Variants in ADGRV1 observed in about 807,000 individuals in gnomAD.
The protein encoded by ADGRV1 is G-protein coupled receptor 98.
A neutral mutation model predicts 596.2 loss-of-function variants in ADGRV1; 359 were observed. The ratio of observed to expected loss-of-function variants is 0.60; its 90% CI spans 0.55 to 0.66. ADGRV1 has a LOEUF of 0.66. ADGRV1 is among the 30% of genes least tolerant of loss of function. The pLI is 0.00. For synonymous variants in ADGRV1, 2,681 were observed against 2,679.2 expected, an observed-to-expected ratio of 1.00 and a Z score of -0.02; for missense variants, 7,274 against 7,575.6, an observed-to-expected ratio of 0.96 and a Z score of 1.48.
chr5:91,037,823 A>G (rs569524253), intron 85 of ADGRV1, among the ~76,000 whole-genome samples: 2 of 152,312 alleles, frequency 1.3e-5, no homozygotes, highest in Admixed American at 6.5e-5. Context: ...CCCAAATACT[A>G]CAAAATCCAA....
chr5:90,632,155 G>T (rs1162562970), intron 9 of ADGRV1, among the ~76,000 whole-genome samples: 1 of 151,828 alleles, frequency 6.6e-6, no homozygotes, highest in Non-Finnish European at 1.5e-5. Flanking sequence ...GGATTTTTTT[G>T]GTCTTACTGT....
intron 86 of ADGRV1, among the ~76,000 whole-genome samples, chr5:91,100,917 G>C (rs1400536491): frequency 6.6e-6 from 1 of 152,080 alleles, no homozygotes; most frequent in Non-Finnish European, 1.5e-5. Context: ...AAACTGGCTG[G>C]TAATCATCAA....
At chr5:91,041,562 C>T (rs969549378) in intron 85 of ADGRV1, among the ~76,000 whole-genome samples, 4 of 151,506 alleles carry the variant, frequency 2.6e-5, no homozygotes, top group Admixed American at 2.6e-4. Flanking sequence ...GTGCAGTAAA[C>T]CACCATGGCA....
chr5:91,016,576 A>G (rs984645988), intron 85 of ADGRV1, among the ~76,000 whole-genome samples: 12 of 151,996 alleles, frequency 7.9e-5, no homozygotes, highest in African/African-American at 2.7e-4. Context: ...AGAAACAGAC[A>G]TGCAATCCTA....
In ADGRV1 at chr5:90,788,107, G is replaced by A; in HGVS notation, c.13690G>A (p.Ala4564Thr). ...WETVGPNSQE[A>T]LLPQNRDIAD... ...GACAGTAGGACCCAACTCTCAAGAAGCCTTACTGCCACAGAATAGAGACAT... is the reference window on the plus strand; with the variant it reads ...GACAGTAGGACCCAACTCTCAAGAAACCTTACTGCCACAGAATAGAGACAT... The change falls in exon 68 of 90, where the codon GCC becomes ACC. Residue 4564 changes from alanine (A) to threonine (T), a missense_variant. Ala to Thr is a moderately conservative substitution (Grantham distance 58). Coordinates refer to ENST00000405460, the MANE Select transcript of ADGRV1 (RefSeq NM_032119.4). The A allele has an allele frequency of 1.9e-6, 3 of 1,613,236 alleles. No homozygotes were observed. Among genetic ancestry groups the A allele is most frequent in the South Asian group, 1.1e-5 (1 of 90,910 alleles).
chr5:90,647,929 A>G (rs1430371477), intron 17 of ADGRV1, among the ~76,000 whole-genome samples, 165 bp downstream of exon 17: 1 of 140,228 alleles, frequency 7.1e-6, no homozygotes, highest in African/African-American at 2.7e-5. Context: ...TGAAGAATGT[A>G]TGTGTTGAAC....
chr5:90,976,939 T>C (rs6881586), intron 84 of ADGRV1, among the ~76,000 whole-genome samples: 75,862 of 151,748 alleles, frequency 0.5, 20,533 homozygotes, highest in African/African-American at 0.71. Context: ...GGTTAGAAAT[T>C]ATTTTACAGT....
intron 5 of ADGRV1, among the ~76,000 whole-genome samples, chr5:90,624,374 G>A (rs1032225702): frequency 6.6e-6 from 1 of 152,136 alleles, no homozygotes; most frequent in African/African-American, 2.4e-5. Context: ...ATCCAGAGTA[G>A]AGTGTTTTCA....
intron 8 of ADGRV1, 139 bp downstream of exon 8, chr5:90,628,971 A>C (rs1156822202): frequency 1.2e-6 from 1 of 803,196 alleles, no homozygotes; most frequent in African/African-American, 1.7e-5. Flanking sequence ...TAGTTTTCTT[A>C]CTCAGTATTC....
At chr5:90,974,784 G>A (rs772668944) in intron 84 of ADGRV1, among the ~76,000 whole-genome samples, 17 of 152,164 alleles carry the variant, frequency 1.1e-4, no homozygotes, top group Admixed American at 2.0e-4. Context: ...CAGGACATAA[G>A]TATGGGCAAG....
At position 90,755,087 on chromosome 5, in the gene ADGRV1, A is replaced by C; in HGVS notation, c.11482A>C (p.Asn3828His). The change falls in exon 55 of 90, where the codon AAT (asparagine) becomes CAT (histidine). Residue 3828 changes from asparagine to histidine, a missense_variant. Coordinates refer to ENST00000405460, the MANE Select transcript of ADGRV1 (RefSeq NM_032119.4). ...AQPNFLLHVDNQATENEDYVL... is the reference protein window; with the variant it reads ...AQPNFLLHVDHQATENEDYVL... Reference sequence around the variant, plus strand: ...ACCCAATTTCTTACTGCATGTCGATAATCAAGCTACTGAGAATGAAGATTA... The same window carrying C: ...ACCCAATTTCTTACTGCATGTCGATCATCAAGCTACTGAGAATGAAGATTA... 6.2e-7 allele frequency: 1 copy of C among 1,610,462 alleles called. No homozygotes were observed. Among genetic ancestry groups the C allele is most frequent in the Non-Finnish European group, 8.5e-7 (1 of 1,176,786 alleles).
chr5:90,928,712 T>A (rs5769744), intron 83 of ADGRV1, among the ~76,000 whole-genome samples: 1 of 147,834 alleles, frequency 6.8e-6, no homozygotes. Flanking sequence ...GGCGCTCTGC[T>A]TTTTAGAGTT....
At chr5:91,006,697 A>AT (rs1010973210) in intron 85 of ADGRV1, among the ~76,000 whole-genome samples, 5 of 152,200 alleles carry the variant, frequency 3.3e-5, no homozygotes, top group South Asian at 2.1e-4. Context: ...ACTTCATGTG[A>AT]TTTTTTAAAT....
chr5:90,853,209 A>C (rs1159916541), intron 79 of ADGRV1, 75 bp from the exon 80 acceptor site: 17 of 1,385,050 alleles, frequency 1.2e-5, no homozygotes, highest in Non-Finnish European at 1.7e-5. Flanking sequence ...AGTGTAATGC[A>C]CTTTAACAAA....
In ADGRV1 at chr5:90,788,239, T is replaced by G; in HGVS notation, c.13822T>G (p.Phe4608Val). The G allele has an allele frequency of 6.2e-7, 1 of 1,612,444 alleles. No homozygotes were observed. Among genetic ancestry groups the G allele is most frequent in the Non-Finnish European group, 8.5e-7 (1 of 1,178,512 alleles). Residue 4608 changes from phenylalanine (F) to valine (V), a missense_variant, in exon 68 of 90, where the codon TTC (phenylalanine) becomes GTC (valine). By Grantham distance (50) the Phe-to-Val change is conservative. This residue lies in a region of ADGRV1 where 3,643 missense variants were observed against 3,809.2 expected (regional missense o/e 0.96). Transcript: ENST00000405460. Reference sequence around the variant, plus strand: ...TGAAGAAATTGAAGTTGAAGAGACATTCATTATTAAACTTCATCTTGTGAA... The same window carrying G: ...TGAAGAAATTGAAGTTGAAGAGACAGTCATTATTAAACTTCATCTTGTGAA... ...PHEEIEVEET[F>V]IIKLHLVKGE...
rs143486789 is a variant in ADGRV1 at position 90,996,606 on chromosome 5, A to G, written c.18152+11084A>G. ...GTTGGAGTCCCGACACAGAGTCCCT[A>G]CTGGGACACTGCCTAGTGGAGCTGT... is the stretch of plus-strand genomic sequence containing the variant. On this transcript the variant is annotated intron_variant, in intron 85 of 89. Coordinates refer to ENST00000405460, the MANE Select transcript of ADGRV1 (RefSeq NM_032119.4). Among the ~76,000 whole-genome samples the G allele has an allele frequency of 9.2e-5, 14 of 152,328 alleles. No individual in the cohort carries two copies. In the East Asian group the frequency reaches 2.7e-3, roughly 29 times the overall value.
chr5:91,002,007 A>G (rs1781893028), intron 85 of ADGRV1, among the ~76,000 whole-genome samples: 1 of 152,116 alleles, frequency 6.6e-6, no homozygotes, highest in African/African-American at 2.4e-5. Context: ...TGTTTTTTCT[A>G]GCATTTTGTG....
chr5:90,821,004 A>G (rs1194422657), intron 75 of ADGRV1, among the ~76,000 whole-genome samples: 3 of 152,010 alleles, frequency 2.0e-5, no homozygotes, highest in Non-Finnish European at 4.4e-5. Context: ...AATATCCTGC[A>G]GAGTGTTTTC....
chr5:90,943,528 A>G lies in ADGRV1; in HGVS notation c.17857-21887A>G, dbSNP rs187561530. On this transcript the variant is annotated intron_variant, in intron 83 of 89. Transcript: ENST00000405460. ...ATCACAGCTAAAATGTCACTTCCTC[A>G]GAGAGGCCTTCCATGACCTTCCCAT... 1.6e-4 allele frequency among the ~76,000 whole-genome samples: 25 copies of G among 152,224 alleles called. No individual in the cohort carries two copies. The East Asian group carries it at 4.6e-3, about 28-fold the overall frequency.
Sources: gnomAD v4.1 joint callset for allele counts (sites outside exome capture counted in the v4.1 genomes callset) on GRCh38, gnomAD v4.1.1 for gene constraint, gnomAD v4.1.1 regional missense constraint, MANE v1.5 for transcripts, NCBI Gene and HGNC (gene_info 2026-07-23, HGNC 2026-07-21) for gene names.